The following C2orf42 variants were observed in gnomAD, a reference collection of about 807,000 sequenced individuals.
C2orf42 encodes the protein uncharacterized protein C2orf42.
In C2orf42, 44 loss-of-function variants were observed where a neutral mutation model predicts 58.9. The ratio of observed to expected loss-of-function variants is 0.75; its 90% CI spans 0.59 to 0.96. The LOEUF (loss-of-function observed/expected upper bound fraction) is 0.96. Ranked by LOEUF, C2orf42 falls within the 40% of genes least tolerant of loss-of-function variation. C2orf42 has a pLI of 0.00. For synonymous variants in C2orf42, 239 were observed against 265.4 expected (o/e 0.90, Z 0.97); for missense variants, 630 against 699.2 (o/e 0.90, Z 1.12).
chr2:70,177,561 G>A (rs575489608), intron 4 of C2orf42, among the ~76,000 whole-genome samples: 1 of 152,190 alleles, frequency 6.6e-6, no homozygotes, highest in Non-Finnish European at 1.5e-5. Context: ...CAACTTCCCA[G>A]CACCAAAACT....
At chr2:70,175,651 A>C (rs1479281671) in intron 5 of C2orf42, 22 bp downstream of exon 5, 4 of 1,410,672 alleles carry the variant, frequency 2.8e-6, no homozygotes, top group Non-Finnish European at 4.0e-6. Context: ...ACTGTAGCCT[A>C]TTCTAGGGAA....
In C2orf42 at chr2:70,181,330, T is replaced by A; in HGVS notation, c.656A>T (p.Glu219Val). Reference sequence around the variant, plus strand: ...CTGACAGGAGCAGAAGAAGCGGCGCTCAGGCAAGCTTTTGCCACTGACTTT... The same window carrying A: ...CTGACAGGAGCAGAAGAAGCGGCGCACAGGCAAGCTTTTGCCACTGACTTT... ...VQKVSGKSLPERRFFCSCQTL... is the reference protein window; with the variant it reads ...VQKVSGKSLPVRRFFCSCQTL... Residue 219 changes from glutamate to valine, a missense_variant, in exon 3 of 10, where the codon GAG (glutamate) becomes GTG (valine). Transcript: ENST00000264434. The A allele has an allele frequency of 6.2e-7, 1 of 1,614,070 alleles. No individual in the cohort carries two copies. The highest frequency in any genetic ancestry group is 8.5e-7 in the Non-Finnish European group (1 of 1,179,964).
rs750287311 is a variant in C2orf42 at position 70,169,667 on chromosome 2, G to GAAAAAAAAA, written c.1040-15_1040-7dup. 7.0e-7 allele frequency: 1 copy of GAAAAAAAAA among 1,427,232 alleles called. No homozygotes were observed. Among genetic ancestry groups the GAAAAAAAAA allele is most frequent in the Non-Finnish European group, 9.8e-7 (1 of 1,024,404 alleles). 88.4% of individuals were successfully genotyped at this position (1,427,232 alleles called of 1,614,324 possible). On this transcript the variant is annotated splice_region_variant and splice_polypyrimidine_tract_variant and intron_variant, in intron 5 of 9. Transcript: ENST00000264434. ...ATCTAACAGCTGACCACAGGCTAGG[G>GAAAAAAAAA]AAAAAAAAACCACACATACACACTT...
rs1007410832 is a variant in C2orf42 at position 70,185,762 on chromosome 2, CATATATACACACATATAT to C, written c.-281-2845_-281-2828del. Among the ~76,000 whole-genome samples, 37 of 150,166 alleles carry C rather than the reference CATATATACACACATATAT, an allele frequency of 2.5e-4. 1 individual carries two copies. Among genetic ancestry groups the C allele is most frequent in the African/African-American group, 8.2e-4 (33 of 40,438 alleles). ...ACACACACAAACACACACACACATA[CATATATACACACATATAT>C]ATATATACACACACACATATATATA... On this transcript the variant is annotated intron_variant, in intron 1 of 9. Transcript: ENST00000264434.
intron 9 of C2orf42, among the ~76,000 whole-genome samples, chr2:70,159,820 G>A (rs1476437817): frequency 1.3e-5 from 2 of 152,048 alleles, no homozygotes; most frequent in African/African-American, 2.4e-5. Flanking sequence ...ACAGGCATAA[G>A]CCACTGTGCC....
chr2:70,175,807 A>G (rs759300883), intron 4 of C2orf42, 30 bp from the exon 5 acceptor site: 14 of 1,211,544 alleles, frequency 1.2e-5, no homozygotes, highest in Admixed American at 1.7e-5. Context: ...AGGTTTAACA[A>G]TGTATCTGCT....
chr2:70,178,223 T>C (rs893103845), intron 4 of C2orf42, among the ~76,000 whole-genome samples: 1 of 152,228 alleles, frequency 6.6e-6, no homozygotes, highest in African/African-American at 2.4e-5. Context: ...ACTCTAGGTC[T>C]CTTGATGCTT....
At chr2:70,162,152 C>T (rs1173261285) in intron 8 of C2orf42, among the ~76,000 whole-genome samples, 1 of 151,566 alleles carries the variant, frequency 6.6e-6, no homozygotes, top group East Asian at 2.0e-4. Flanking sequence ...GCTGGGATTA[C>T]AGGAGCAAGC....
intron 3 of C2orf42, among the ~76,000 whole-genome samples, chr2:70,180,356 C>T (rs1674471128): frequency 6.6e-6 from 1 of 151,448 alleles, no homozygotes; most frequent in South Asian, 2.1e-4. Context: ...GCCTGTAATC[C>T]CAGTACTTTG....
intron 4 of C2orf42, among the ~76,000 whole-genome samples, chr2:70,176,662 G>A (rs1388567817): frequency 6.6e-6 from 1 of 151,964 alleles, no homozygotes; most frequent in Non-Finnish European, 1.5e-5. Flanking sequence ...ATATTGCCCA[G>A]GCTGGAATGC....
chr2:70,155,591 G>T (rs1042294149), intron 9 of C2orf42, among the ~76,000 whole-genome samples: 7 of 152,052 alleles, frequency 4.6e-5, no homozygotes, highest in African/African-American at 1.7e-4. Context: ...CTGAGGTCAG[G>T]AGTTCGAGAC....
chr2:70,156,015 C>T (rs1036566182), intron 9 of C2orf42, among the ~76,000 whole-genome samples: 7 of 151,518 alleles, frequency 4.6e-5, no homozygotes, highest in African/African-American at 1.5e-4. Flanking sequence ...ATTAGCTGGG[C>T]ATGGTGGCAC....
chr2:70,153,581 G>A (rs1261317969), intron 9 of C2orf42, among the ~76,000 whole-genome samples: 16 of 148,220 alleles, frequency 1.1e-4, no homozygotes, highest in African/African-American at 3.7e-4. Flanking sequence ...GGATGGTCTC[G>A]ATCTCCTGAC....
chr2:70,169,979 C>G (rs1436717626), intron 5 of C2orf42, among the ~76,000 whole-genome samples: 1 of 151,682 alleles, frequency 6.6e-6, no homozygotes, highest in Non-Finnish European at 1.5e-5. Context: ...GGCTGGTCTC[C>G]AACTCCTGAC....
intron 5 of C2orf42, 38 bp downstream of exon 5, chr2:70,175,635 T>C (rs770866992): frequency 2.5e-6 from 3 of 1,193,868 alleles, no homozygotes; most frequent in East Asian, 4.7e-5. Flanking sequence ...AGGATGACTT[T>C]CCACCACTGT....
At position 70,160,189 on chromosome 2, in the gene C2orf42, G is replaced by A. The variant is rs183049131; in HGVS notation, c.1516+436C>T. 2.0e-5 allele frequency among the ~76,000 whole-genome samples: 3 copies of A among 151,424 alleles called. No homozygotes were observed. The South Asian group carries it at 6.3e-4, about 32-fold the overall frequency. On this transcript the variant is annotated intron_variant, in intron 9 of 9. Transcript: ENST00000264434. The stretch of plus-strand genomic sequence containing the variant: ...GAGTCTCACTCTGCCGCCCAGGCTG[G>A]AGTGCAGTGGTGAGATCTCGGCTCA...
chr2:70,175,711 A>G lies in C2orf42; in HGVS notation c.1001T>C (p.Leu334Pro). The change falls in exon 5 of 10, where the codon CTG becomes CCG. Residue 334 changes from leucine (L) to proline (P), a missense_variant. Transcript: ENST00000264434. ...CGAGGAAGCAACCACAGGCTTTTTC[A>G]GGCCACTTTTCCTTAGATTACTGCT... is the stretch of plus-strand genomic sequence containing the variant. ...AVSSNLRKSG[L>P]KKPVVASSLK... The G allele has an allele frequency of 6.2e-7, 1 of 1,613,316 alleles. No homozygotes were observed. Among genetic ancestry groups the G allele is most frequent in the Non-Finnish European group, 8.5e-7 (1 of 1,179,280 alleles).
chr2:70,179,092 T>TCC lies in C2orf42; in HGVS notation c.934+438_934+439dup, dbSNP rs555275928. Among the ~76,000 whole-genome samples, 723 of 152,288 alleles carry TCC rather than the reference T, an allele frequency of 4.7e-3. 8 individuals are homozygous for TCC. The highest frequency in any genetic ancestry group is 0.015 in the African/African-American group (621 of 41,568). On this transcript the variant is annotated intron_variant, in intron 4 of 9. Coordinates refer to ENST00000264434, the MANE Select transcript of C2orf42 (RefSeq NM_017880.3). ...TATGGATGAAAACTTCATAATACTA[T>TCC]CCTAAGGCAGATTAAGGTATAAAAT...
chr2:70,153,141 T>C (rs921384808), intron 9 of C2orf42, among the ~76,000 whole-genome samples: 2 of 152,154 alleles, frequency 1.3e-5, no homozygotes, highest in Non-Finnish European at 2.9e-5. Flanking sequence ...TTGAAAACTA[T>C]ATATGCGGGG....
Sources: gnomAD v4.1 joint callset for allele counts (sites outside exome capture counted in the v4.1 genomes callset) on GRCh38, gnomAD v4.1.1 for gene constraint, MANE v1.5 for transcripts, NCBI Gene and HGNC (gene_info 2026-07-23, HGNC 2026-07-21) for gene names.